The following PRTFDC1 variants were observed in gnomAD, a reference collection of about 807,000 sequenced individuals.
The protein encoded by PRTFDC1 is phosphoribosyl transferase domain containing 1, also known as phosphoribosyltransferase domain-containing protein 1.
Under a neutral mutation model 34.6 loss-of-function variants are expected in PRTFDC1, and 38 were observed. That is an observed-to-expected ratio of 1.10 (90% CI 0.85 to 1.44). PRTFDC1 has a LOEUF of 1.44. Among genes scored for constraint, PRTFDC1 ranks in the 40% most tolerant of loss-of-function variants. PRTFDC1 has a pLI of 0.00. For synonymous variants in PRTFDC1, 93 were observed against 98.1 expected, an observed-to-expected ratio of 0.95 and a Z score of 0.31; for missense variants, 270 against 283.0, an observed-to-expected ratio of 0.95 and a Z score of 0.33.
At chr10:24,913,471 C>T (rs953225240) in intron 3 of PRTFDC1, among the ~76,000 whole-genome samples, 5 of 152,156 alleles carry the variant, frequency 3.3e-5, no homozygotes, top group African/African-American at 1.2e-4. Flanking sequence ...ACACTGTAAC[C>T]TATTTCAGGC....
At chr10:24,913,670 A>G (rs887864964) in intron 3 of PRTFDC1, among the ~76,000 whole-genome samples, 1 of 152,204 alleles carries the variant, frequency 6.6e-6, no homozygotes, top group Non-Finnish European at 1.5e-5. Flanking sequence ...ATTACAATGT[A>G]TTCTCACTCA....
intron 3 of PRTFDC1, among the ~76,000 whole-genome samples, chr10:24,909,142 G>A (rs1462574659): frequency 4.6e-5 from 7 of 152,182 alleles, no homozygotes; most frequent in African/African-American, 1.2e-4. Context: ...ACACCCAGGC[G>A]TGGTGGTGTG....
chr10:24,913,472 T>C (rs1848656201), intron 3 of PRTFDC1, among the ~76,000 whole-genome samples: 1 of 152,218 alleles, frequency 6.6e-6, no homozygotes, highest in South Asian at 2.1e-4. Context: ...CACTGTAACC[T>C]ATTTCAGGCC....
At chr10:24,938,500 G>A (rs1588624180) in intron 2 of PRTFDC1, among the ~76,000 whole-genome samples, 1 of 152,204 alleles carries the variant, frequency 6.6e-6, no homozygotes, top group African/African-American at 2.4e-5. Flanking sequence ...GTTCAAACAG[G>A]CAGTTCCACC....
intron 3 of PRTFDC1, among the ~76,000 whole-genome samples, chr10:24,872,367 G>T (rs1847885633): frequency 6.6e-6 from 1 of 152,132 alleles, no homozygotes; most frequent in Non-Finnish European, 1.5e-5. Context: ...GCCTATCCTG[G>T]AGCAGAGAAA....
chr10:24,851,245 A>T, intron 8 of PRTFDC1, 143 bp downstream of exon 8: 1 of 1,206,918 alleles, frequency 8.3e-7, no homozygotes, highest in Non-Finnish European at 1.1e-6. Flanking sequence ...GTTAATTGGG[A>T]GTATGGATGC....
intron 3 of PRTFDC1, among the ~76,000 whole-genome samples, chr10:24,885,279 T>C (rs72780352): frequency 0.13 from 19,450 of 152,288 alleles, 1,557 homozygotes; most frequent in Non-Finnish European, 0.18. Context: ...CCTGGCACAT[T>C]AGTAAGCACA....
chr10:24,886,549 G>A (rs1383823612), intron 3 of PRTFDC1, among the ~76,000 whole-genome samples: 1 of 152,206 alleles, frequency 6.6e-6, no homozygotes, highest in Non-Finnish European at 1.5e-5. Context: ...CACTGTGCAT[G>A]GATCACTTGT....
Position 24,858,376 on chromosome 10 carries a change from G to A in PRTFDC1, c.423+16C>T. On this transcript the variant is annotated intron_variant, in intron 5 of 8. Coordinates refer to ENST00000320152, the MANE Select transcript of PRTFDC1 (RefSeq NM_020200.7). ...TCTTTCAACCTCCAAGTATGGAAAA[G>A]GAAATGCCAGCTTACCTCAACAATG... 1.2e-6 allele frequency: 2 copies of A among 1,611,692 alleles called. No homozygotes were observed. Among genetic ancestry groups the A allele is most frequent in the Non-Finnish European group, 1.7e-6 (2 of 1,177,964 alleles).
intron 3 of PRTFDC1, among the ~76,000 whole-genome samples, chr10:24,898,863 C>T (rs1848409519): frequency 6.6e-6 from 1 of 152,078 alleles, no homozygotes; most frequent in African/African-American, 2.4e-5. Context: ...CAATATGATG[C>T]TATAAGGAGG....
At chr10:24,899,134 A>G (rs1204684765) in intron 3 of PRTFDC1, among the ~76,000 whole-genome samples, 1 of 152,134 alleles carries the variant, frequency 6.6e-6, no homozygotes, top group African/African-American at 2.4e-5. Flanking sequence ...CCTTCCATCA[A>G]GTGCTGTGAC....
Position 24,925,917 on chromosome 10 carries a change from A to G in PRTFDC1, c.339+11267T>C, listed in dbSNP as rs150747282. On this transcript the variant is annotated intron_variant, in intron 3 of 8. Transcript: ENST00000320152. ...GCAACTGAATGTTATGCCTCTCACA[A>G]TGGTTTTGGTCTTTCTGCTCTGTTC... 2.6e-3 allele frequency among the ~76,000 whole-genome samples: 399 copies of G among 152,238 alleles called. 2 individuals carry two copies. Among genetic ancestry groups the G allele is most frequent in the Admixed American group, 5.6e-3 (85 of 15,300 alleles).
At chr10:24,913,623 C>T (rs1002876746) in intron 3 of PRTFDC1, among the ~76,000 whole-genome samples, 36 of 152,292 alleles carry the variant, frequency 2.4e-4, no homozygotes, top group African/African-American at 8.2e-4. Context: ...CAGAAATAAT[C>T]CTTTCAAGTT....
intron 5 of PRTFDC1, among the ~76,000 whole-genome samples, chr10:24,857,718 G>A (rs531908792): frequency 6.6e-6 from 1 of 151,958 alleles, no homozygotes; most frequent in South Asian, 2.1e-4. Context: ...TGCACATGGC[G>A]CACACAGGCA....
chr10:24,871,647 A>AG (rs1847869644), intron 4 of PRTFDC1, among the ~76,000 whole-genome samples: 1 of 100,260 alleles, frequency 1.0e-5, no homozygotes, highest in African/African-American at 3.5e-5. Context: ...AGGATGGATG[A>AG]AAAAAAAAAA....
At chr10:24,934,372 G>A (rs977663336) in intron 3 of PRTFDC1, among the ~76,000 whole-genome samples, 3 of 152,130 alleles carry the variant, frequency 2.0e-5, no homozygotes, top group Admixed American at 1.3e-4. Context: ...TCAGCCAAGG[G>A]CATTCCAAAG....
At chr10:24,879,532 GAGAT>G (rs1416314321) in intron 3 of PRTFDC1, among the ~76,000 whole-genome samples, 1 of 151,704 alleles carries the variant, frequency 6.6e-6, no homozygotes, top group Admixed American at 6.6e-5. Context: ...TTTTAGTAGA[GAGAT>G]AGGGTTTCAC....
At chr10:24,901,869 C>A (rs1207911624) in intron 3 of PRTFDC1, among the ~76,000 whole-genome samples, 1 of 152,192 alleles carries the variant, frequency 6.6e-6, no homozygotes, top group Admixed American at 6.5e-5. Context: ...ATTTCTCTTC[C>A]AGAACATGCA....
intron 3 of PRTFDC1, among the ~76,000 whole-genome samples, chr10:24,874,727 T>G (rs1022363032): frequency 6.6e-6 from 1 of 152,188 alleles, no homozygotes. Flanking sequence ...TGTACAAACG[T>G]GTTTTTTTAA....
Sources: gnomAD v4.1 joint callset for allele counts (sites outside exome capture counted in the v4.1 genomes callset) on GRCh38, gnomAD v4.1.1 for gene constraint, MANE v1.5 for transcripts, NCBI Gene and HGNC (gene_info 2026-07-23, HGNC 2026-07-21) for gene names.